Variants in SPAG9 observed in about 807,000 individuals in gnomAD.
The protein encoded by SPAG9 is sperm associated antigen 9, also known as C-Jun-amino-terminal kinase-interacting protein 4.
In SPAG9, 35 loss-of-function variants were observed where a neutral mutation model predicts 166.5. The observed-to-expected ratio is 0.21, with a 90% CI of 0.16 to 0.28. The LOEUF (loss-of-function observed/expected upper bound fraction) is 0.28. SPAG9 is among the 10% of genes least tolerant of loss of function. The pLI is 1.00. For missense variants in SPAG9, 1,235 were observed against 1,603.3 expected, an observed-to-expected ratio of 0.77 and a Z score of 3.92; for synonymous variants, 534 against 565.5, an observed-to-expected ratio of 0.94 and a Z score of 0.79.
At chr17:51,045,593 ATT>A (rs2046990637) in intron 4 of SPAG9, among the ~76,000 whole-genome samples, 1 of 152,068 alleles carries the variant, frequency 6.6e-6, no homozygotes, top group Non-Finnish European at 1.5e-5. Flanking sequence ...GGGTTTAAAT[ATT>A]TTATAAACAT....
chr17:51,015,317 T>C (rs923062403), intron 8 of SPAG9, among the ~76,000 whole-genome samples: 2 of 151,790 alleles, frequency 1.3e-5, no homozygotes, highest in Non-Finnish European at 2.9e-5. Context: ...GGGAGGAACA[T>C]GAAACAGAAG....
chr17:51,003,316 C>T (rs539422034), intron 12 of SPAG9, among the ~76,000 whole-genome samples: 1 of 152,212 alleles, frequency 6.6e-6, no homozygotes, highest in South Asian at 2.1e-4. Context: ...AAATTGTTAT[C>T]TACATAGATT....
intron 6 of SPAG9, among the ~76,000 whole-genome samples, chr17:51,027,008 T>C (rs1191418205): frequency 6.6e-6 from 1 of 152,124 alleles, no homozygotes; most frequent in African/African-American, 2.4e-5. Flanking sequence ...TCTTTCTTCT[T>C]GGTATCCCAG....
At chr17:50,993,963 TA>T in intron 18 of SPAG9, 28 bp from the exon 19 acceptor site, 1 of 1,589,370 alleles carries the variant, frequency 6.3e-7, no homozygotes, top group South Asian at 1.1e-5. Flanking sequence ...GAAAAATGTT[TA>T]AAACAATATG....
intron 6 of SPAG9, among the ~76,000 whole-genome samples, chr17:51,029,534 AAAC>A (rs1568019037): frequency 6.6e-6 from 1 of 152,198 alleles, no homozygotes; most frequent in Non-Finnish European, 1.5e-5. Context: ...ACAAATAAAT[AAAC>A]AAAATATGGT....
At chr17:51,108,434 G>T (rs2049015835) in intron 1 of SPAG9, among the ~76,000 whole-genome samples, 1 of 151,562 alleles carries the variant, frequency 6.6e-6, no homozygotes, top group South Asian at 2.1e-4. Context: ...TAAATATAGG[G>T]TCATTTTCTG....
intron 7 of SPAG9, among the ~76,000 whole-genome samples, chr17:51,020,649 T>G (rs111367987): frequency 0.012 from 1,887 of 152,316 alleles, 40 homozygotes; most frequent in African/African-American, 0.042. Context: ...CTGGCCCCAA[T>G]AGTTTCTCTC....
rs984376051 is a variant in SPAG9, at chr17:51,005,333, G to A, written c.1425-70C>T. 1.1e-5 allele frequency: 16 copies of A among 1,461,038 alleles called. No homozygotes were observed. The African/African-American group carries it at 2.1e-4, about 19-fold the overall frequency. The allele number at this position is 1,461,038 out of a possible 1,614,324, so 90.5% of individuals were successfully genotyped here. On this transcript the variant is annotated intron_variant, in intron 11 of 29. Coordinates refer to ENST00000262013, the MANE Select transcript of SPAG9 (RefSeq NM_001130528.3). ...TCATCTTTTCAAAAAAATAAGAGTA[G>A]GTCAACAATTTTAACTACCACTAAA...
rs895111827 is a variant in SPAG9 at position 51,034,086 on chromosome 17, T to A, written c.742-2364A>T. ...AGTCACCTATAGGTGGTTCCTAAAGTTATCACATGAAGATATATGTGAGGA... is the reference window on the plus strand; with the variant it reads ...AGTCACCTATAGGTGGTTCCTAAAGATATCACATGAAGATATATGTGAGGA... On this transcript the variant is annotated intron_variant, in intron 5 of 29. Coordinates refer to ENST00000262013, the MANE Select transcript of SPAG9 (RefSeq NM_001130528.3). 1.2e-4 allele frequency among the ~76,000 whole-genome samples: 19 copies of A among 152,344 alleles called. No individual in the cohort carries two copies. In the South Asian group the frequency reaches 1.4e-3, roughly 12 times the overall value.
rs1042619842 is a variant in SPAG9 at position 50,962,248 on chromosome 17, A to C, written c.*4024T>G. 7 of 152,242 alleles carry C rather than the reference A, an allele frequency of 4.6e-5. No homozygotes were observed. Among genetic ancestry groups the C allele is most frequent in the African/African-American group, 7.2e-5 (3 of 41,464 alleles). The allele number at this position is 152,242 out of a possible 1,614,324, so 9.4% of individuals were successfully genotyped here. A position where few individuals can be genotyped will look rare whatever the true frequency, so the allele number is the denominator to read the frequency against. On this transcript the variant is annotated 3_prime_UTR_variant, in exon 30 of 30. Coordinates refer to ENST00000262013, the MANE Select transcript of SPAG9 (RefSeq NM_001130528.3). ...CTGAACCCCAGGGATTCCATAATAG[A>C]AATAAATACTGAAATAACTACATTG...
chr17:50,962,467 CTTAATCTT>C lies in SPAG9; in HGVS notation c.*3797_*3804del, dbSNP rs1327362541. The C allele has an allele frequency of 6.6e-6, 1 of 152,162 alleles. No homozygotes were observed. The highest frequency in any genetic ancestry group is 2.4e-5 in the African/African-American group (1 of 41,450). 9.4% of individuals were successfully genotyped at this position (152,162 alleles called of 1,614,324 possible). ...GAAATGTATGACAAAATTAATAAAA[CTTAATCTT>C]TTAAGAGAAAAGACAGACATTTAGT... On this transcript the variant is annotated 3_prime_UTR_variant, in exon 30 of 30. Coordinates refer to ENST00000262013, the MANE Select transcript of SPAG9 (RefSeq NM_001130528.3).
At chr17:51,060,505 TAA>T (rs35700642) in intron 2 of SPAG9, among the ~76,000 whole-genome samples, 3,441 of 101,442 alleles carry the variant, frequency 0.034, 157 homozygotes, top group African/African-American at 0.11. Context: ...TTTGTCTTTT[TAA>T]AAAAAAAAAA....
chr17:51,090,262 C>T (rs2144685355), intron 1 of SPAG9, among the ~76,000 whole-genome samples: 1 of 152,142 alleles, frequency 6.6e-6, no homozygotes, highest in Non-Finnish European at 1.5e-5. Context: ...TGGCTCAAGC[C>T]TGTAATCCCA....
Position 51,046,878 on chromosome 17 carries a change from C to A in SPAG9, c.590+497G>T, listed in dbSNP as rs185945426. On this transcript the variant is annotated intron_variant, in intron 4 of 29. Coordinates refer to ENST00000262013, the MANE Select transcript of SPAG9 (RefSeq NM_001130528.3). ...AGAGCTGCTGCTCCTAGCATTTATG[C>A]AGCAACCCCAAGCGACAGCCAGCCT... is the stretch of plus-strand genomic sequence containing the variant. 3.3e-4 allele frequency: 505 copies of A among 1,523,986 alleles called. No individual in the cohort carries two copies. The African/African-American group carries it at 6.3e-3, about 19-fold the overall frequency. 94.4% of individuals were successfully genotyped at this position (1,523,986 alleles called of 1,614,324 possible). A position where few individuals can be genotyped will look rare whatever the true frequency, so the allele number is the denominator to read the frequency against.
In SPAG9 at chr17:50,993,842, CAAT is replaced by C; in HGVS notation, c.2317_2319del (p.Ile773del). On this transcript the variant is annotated inframe_deletion, in exon 19 of 30. Transcript: ENST00000262013. ...AGGATGTTGCCAGGTTGAACAGCAT[CAAT>C]AATAAGAACTTTTGTAGCCGAATGA... 1 of 1,614,126 alleles carries C rather than the reference CAAT, an allele frequency of 6.2e-7. No homozygotes were observed. The highest frequency in any genetic ancestry group is 8.5e-7 in the Non-Finnish European group (1 of 1,180,018).
chr17:51,079,549 T>C, intron 2 of SPAG9, 35 bp downstream of exon 2: 1 of 1,605,558 alleles, frequency 6.2e-7, no homozygotes, highest in Non-Finnish European at 8.5e-7. Context: ...AAGCCCAATC[T>C]TTAGTGTACT....
chr17:51,057,833 G>A (rs1288814888), intron 2 of SPAG9, among the ~76,000 whole-genome samples: 2 of 152,224 alleles, frequency 1.3e-5, no homozygotes, highest in South Asian at 2.1e-4. Context: ...GGCTGAAAGC[G>A]ATAATAAGCA....
intron 3 of SPAG9, among the ~76,000 whole-genome samples, chr17:51,054,453 T>C (rs1036812285): frequency 2.7e-5 from 4 of 150,574 alleles, no homozygotes; most frequent in Non-Finnish European, 4.4e-5. Context: ...TTTTTTTTTT[T>C]TGAGACGGAG....
chr17:50,989,790 C>T lies in SPAG9; in HGVS notation c.2700G>A (p.Gly900=), dbSNP rs1208544890. The T allele has an allele frequency of 1.9e-6, 3 of 1,614,064 alleles. No individual in the cohort carries two copies. Among genetic ancestry groups the T allele is most frequent in the Non-Finnish European group, 2.5e-6 (3 of 1,180,026 alleles). ...EATEATEGNA[G]SAEDTVDISQ... Reference sequence around the variant, plus strand: ...AGATGTCCACTGTGTCTTCAGCTGACCCCGCATTCCCTTCTGTAGCTTCAG... The same window carrying T: ...AGATGTCCACTGTGTCTTCAGCTGATCCCGCATTCCCTTCTGTAGCTTCAG... The change falls in exon 21 of 30, where the codon GGG becomes GGA. Residue 900 remains glycine, a synonymous_variant. Coordinates refer to ENST00000262013, the MANE Select transcript of SPAG9 (RefSeq NM_001130528.3).
Sources: allele counts gnomAD v4.1 joint callset (sites outside exome capture counted in the v4.1 genomes callset), GRCh38; gene constraint gnomAD v4.1.1; transcripts MANE v1.5; gene names NCBI Gene and HGNC (gene_info 2026-07-23, HGNC 2026-07-21).